FILIP1L: variants seen among roughly 807,000 people sequenced by gnomAD.
The protein encoded by FILIP1L is filamin A interacting protein 1 like, also known as filamin A-interacting protein 1-like.
Under a neutral mutation model 96.6 loss-of-function variants are expected in FILIP1L, and 55 were observed. The ratio of observed to expected loss-of-function variants is 0.57; its 90% CI spans 0.46 to 0.71. The LOEUF is 0.71. Ranked by LOEUF, FILIP1L falls within the 30% of genes least tolerant of loss-of-function variation. The probability of loss-of-function intolerance (pLI) is 0.00; values close to 1 mark genes in which losing one functional copy is unlikely to be tolerated. For synonymous variants in FILIP1L, 467 were observed against 473.9 expected, an observed-to-expected ratio of 0.99 and a Z score of 0.19; for missense variants, 1,304 against 1,321.2, an observed-to-expected ratio of 0.99 and a Z score of 0.20.
At chr3:99,966,975 G>C (rs1010070240) in intron 1 of FILIP1L, among the ~76,000 whole-genome samples, 1 of 152,092 alleles carries the variant, frequency 6.6e-6, no homozygotes, top group Non-Finnish European at 1.5e-5. Context: ...TACAGGTGGG[G>C]GATTGGATGG....
chr3:100,014,416 A>G (rs1229847626), intron 1 of FILIP1L, among the ~76,000 whole-genome samples: 2 of 152,060 alleles, frequency 1.3e-5, no homozygotes, highest in African/African-American at 2.4e-5. Context: ...AGAAACCTGC[A>G]GACTTATTTT....
chr3:100,018,677 G>A (rs1710414304), intron 1 of FILIP1L, among the ~76,000 whole-genome samples: 1 of 150,144 alleles, frequency 6.7e-6, no homozygotes, highest in Admixed American at 6.6e-5. Context: ...CAAAGCACAG[G>A]CAACTAAAGC....
chr3:100,046,681 C>T (rs1311588834), intron 1 of FILIP1L, among the ~76,000 whole-genome samples: 2 of 152,090 alleles, frequency 1.3e-5, no homozygotes, highest in African/African-American at 4.8e-5. Context: ...ATCTCAGCTC[C>T]AGGTAATAGA....
intron 1 of FILIP1L, among the ~76,000 whole-genome samples, chr3:100,105,212 T>C (rs904204486): frequency 6.6e-6 from 1 of 152,194 alleles, no homozygotes; most frequent in South Asian, 2.1e-4. Context: ...ATTTAGTAGA[T>C]AATGTATTCT....
chr3:100,012,779 T>TTTGGGGGGGG (rs1710197030), intron 1 of FILIP1L, among the ~76,000 whole-genome samples: 2 of 134,766 alleles, frequency 1.5e-5, no homozygotes, highest in Non-Finnish European at 3.2e-5. Context: ...TTTTTTTTTT[T>TTTGGGGGGGG]GGGTTGGGGG....
intron 1 of FILIP1L, among the ~76,000 whole-genome samples, chr3:99,983,337 C>T (rs1277655360): frequency 6.9e-6 from 1 of 145,474 alleles, no homozygotes; most frequent in Non-Finnish European, 1.5e-5. Context: ...AGTTCAAGAC[C>T]AGCCTGGCCA....
At chr3:100,028,624 T>G (rs1007844208) in intron 1 of FILIP1L, among the ~76,000 whole-genome samples, 68 of 152,190 alleles carry the variant, frequency 4.5e-4, no homozygotes, top group Non-Finnish European at 9.4e-4. Flanking sequence ...AATAAATACA[T>G]GTAAATTATA....
At chr3:99,865,585 G>A (rs1626074) in intron 4 of FILIP1L, among the ~76,000 whole-genome samples, 33,979 of 151,916 alleles carry the variant, frequency 0.22, 4,813 homozygotes, top group Middle Eastern at 0.36. Context: ...ATTATTTTTG[G>A]ATGGTTTAAA....
intron 1 of FILIP1L, among the ~76,000 whole-genome samples, chr3:100,014,026 T>C (rs1710243921): frequency 6.6e-6 from 1 of 152,006 alleles, no homozygotes. Context: ...TCTGCTGCTA[T>C]GAATTTGATT....
intron 1 of FILIP1L, among the ~76,000 whole-genome samples, chr3:100,048,714 G>A (rs1302839216): frequency 6.6e-6 from 1 of 152,090 alleles, no homozygotes; most frequent in Non-Finnish European, 1.5e-5. Context: ...AGTCCAGGTG[G>A]GTTTTATGTT....
At position 99,851,083 on chromosome 3, in the gene FILIP1L, A is replaced by G. The variant is rs1364743885; in HGVS notation, c.606-13T>C. 2.6e-6 allele frequency: 4 copies of G among 1,555,508 alleles called. No homozygotes were observed. Among genetic ancestry groups the G allele is most frequent in the Non-Finnish European group, 2.6e-6 (3 of 1,158,602 alleles). On this transcript the variant is annotated splice_polypyrimidine_tract_variant and intron_variant, in intron 4 of 5. Coordinates refer to ENST00000477258, the MANE Select transcript of FILIP1L (RefSeq NM_001387850.1). ...TAGCTTCTTTAATCTGAAAAATGTA[A>G]AGTGCATTTTATTTTGTGATTGATG... is the stretch of plus-strand genomic sequence containing the variant.
chr3:100,007,546 G>T (rs767178135), intron 1 of FILIP1L, among the ~76,000 whole-genome samples: 3 of 152,176 alleles, frequency 2.0e-5, no homozygotes, highest in Non-Finnish European at 2.9e-5. Flanking sequence ...ATGTAATGAA[G>T]AAGAGAGTCA....
intron 1 of FILIP1L, among the ~76,000 whole-genome samples, chr3:99,992,605 T>G (rs1490585004): frequency 2.6e-5 from 4 of 152,132 alleles, no homozygotes; most frequent in Non-Finnish European, 5.9e-5. Flanking sequence ...TTTTTCCCAT[T>G]CTATAGATGG....
At chr3:100,025,932 GT>G (rs1035063672) in intron 1 of FILIP1L, among the ~76,000 whole-genome samples, 13 of 152,126 alleles carry the variant, frequency 8.5e-5, no homozygotes, top group African/African-American at 3.1e-4. Context: ...GAGCTCCCTT[GT>G]TTGGAAAGCA....
chr3:100,019,501 T>C (rs1335046563), intron 1 of FILIP1L, among the ~76,000 whole-genome samples: 1 of 152,228 alleles, frequency 6.6e-6, no homozygotes, highest in Non-Finnish European at 1.5e-5. Flanking sequence ...TTTTTAGTGA[T>C]TTAATTTCTA....
At position 99,829,654 on chromosome 3, in the gene FILIP1L, T is replaced by C. The variant is rs530575123; in HGVS notation, c.*760A>G. Among the ~76,000 whole-genome samples the C allele has an allele frequency of 9.1e-4, 138 of 152,326 alleles. No homozygotes were observed. The highest frequency in any genetic ancestry group is 3.1e-3 in the African/African-American group (127 of 41,580). ...TTTTGTTGAATCAACTGATTTTCGATAGTGTTTATTCAGAGAAGAGATATG... is the reference window on the plus strand; with the variant it reads ...TTTTGTTGAATCAACTGATTTTCGACAGTGTTTATTCAGAGAAGAGATATG... On this transcript the variant is annotated 3_prime_UTR_variant, in exon 6 of 6. Coordinates refer to ENST00000477258, the MANE Select transcript of FILIP1L (RefSeq NM_001387850.1).
intron 4 of FILIP1L, among the ~76,000 whole-genome samples, chr3:99,864,948 A>G (rs759438996): frequency 6.6e-6 from 1 of 152,228 alleles, no homozygotes; most frequent in African/African-American, 2.4e-5. Flanking sequence ...TTAGTCAATC[A>G]TTGGTCTATT....
chr3:99,984,272 T>G (rs1709266923), intron 1 of FILIP1L, among the ~76,000 whole-genome samples: 1 of 152,146 alleles, frequency 6.6e-6, no homozygotes, highest in Non-Finnish European at 1.5e-5. Flanking sequence ...ATGTAGAGTG[T>G]CCTGTCAAAC....
chr3:99,881,624 C>T (rs1366690112), intron 4 of FILIP1L, among the ~76,000 whole-genome samples: 4 of 152,006 alleles, frequency 2.6e-5, no homozygotes, highest in African/African-American at 4.8e-5. Flanking sequence ...CCTCCGACTC[C>T]TGGGTTCAGA....
Sources: gnomAD v4.1 joint callset for allele counts (sites outside exome capture counted in the v4.1 genomes callset) on GRCh38, gnomAD v4.1.1 for gene constraint, MANE v1.5 for transcripts, NCBI Gene and HGNC (gene_info 2026-07-23, HGNC 2026-07-21) for gene names.